Variants in MPZL1 observed in about 807,000 individuals in gnomAD.
MPZL1 encodes myelin protein zero-like protein 1.
In MPZL1, 16 loss-of-function variants were observed where a neutral mutation model predicts 29.3. The observed-to-expected ratio is 0.55, with a 90% CI of 0.37 to 0.83. MPZL1 has a LOEUF of 0.83. Among genes scored for constraint, MPZL1 ranks in the 40% least tolerant of loss-of-function variants. MPZL1 has a pLI of 0.00. For synonymous variants in MPZL1, 143 were observed against 132.0 expected, an observed-to-expected ratio of 1.08 and a Z score of -0.57; for missense variants, 279 against 332.9, an observed-to-expected ratio of 0.84 and a Z score of 1.26.
chr1:167,782,257 A>C (rs776037187), intron 5 of MPZL1, among the ~76,000 whole-genome samples: 3 of 152,060 alleles, frequency 2.0e-5, no homozygotes, highest in Admixed American at 6.5e-5. Context: ...GTTCCTTATA[A>C]CTTCATATTT....
rs376585373 is a variant in MPZL1, at chr1:167,773,383, T to G, written c.605+15T>G. On this transcript the variant is annotated intron_variant, in intron 4 of 5. Coordinates refer to ENST00000359523, the MANE Select transcript of MPZL1 (RefSeq NM_003953.6). Reference sequence around the variant, plus strand: ...GATTACACTGGGTAAGAAACACTGTTTTTTTAGGGCAGGGGTGGAGGGAGG... The same window carrying G: ...GATTACACTGGGTAAGAAACACTGTGTTTTTAGGGCAGGGGTGGAGGGAGG... 9.6e-5 allele frequency: 154 copies of G among 1,608,458 alleles called. No homozygotes were observed. In the African/African-American group the frequency reaches 1.8e-3, roughly 19 times the overall value.
At chr1:167,779,877 G>T (rs1320971302) in intron 5 of MPZL1, among the ~76,000 whole-genome samples, 1 of 152,132 alleles carries the variant, frequency 6.6e-6, no homozygotes, top group African/African-American at 2.4e-5. Flanking sequence ...ACAAAATTCT[G>T]ACATATGCTA....
chr1:167,770,485 G>A (rs1306471299), intron 2 of MPZL1, among the ~76,000 whole-genome samples: 1 of 152,244 alleles, frequency 6.6e-6, no homozygotes, highest in Non-Finnish European at 1.5e-5. Flanking sequence ...GGGGCTAAAG[G>A]CTGAACTTTC....
At chr1:167,779,123 A>G (rs951566028) in intron 5 of MPZL1, among the ~76,000 whole-genome samples, 3 of 150,746 alleles carry the variant, frequency 2.0e-5, no homozygotes, top group Non-Finnish European at 4.5e-5. Context: ...CTCTGTCTCA[A>G]AAAAGAAAAA....
chr1:167,739,302 TATATATACAC>T (rs1191258320), intron 1 of MPZL1, among the ~76,000 whole-genome samples: 1,560 of 118,868 alleles, frequency 0.013, 22 homozygotes, highest in Non-Finnish European at 0.016. Context: ...TATATATATA[TATATATACAC>T]ATATATATAT....
At chr1:167,786,649 T>C (rs1661599835) in intron 5 of MPZL1, among the ~76,000 whole-genome samples, 1 of 152,230 alleles carries the variant, frequency 6.6e-6, no homozygotes, top group Non-Finnish European at 1.5e-5. Context: ...GGCCTGTCCC[T>C]TCTGTAGATG....
intron 1 of MPZL1, among the ~76,000 whole-genome samples, chr1:167,749,401 T>C (rs16859525): frequency 0.039 from 5,990 of 152,220 alleles, 173 homozygotes; most frequent in Middle Eastern, 0.11. Flanking sequence ...CAGTAAGATA[T>C]AAAATATCCA....
At chr1:167,734,053 A>G (rs1316010742) in intron 1 of MPZL1, among the ~76,000 whole-genome samples, 5 of 152,104 alleles carry the variant, frequency 3.3e-5, no homozygotes, top group South Asian at 2.1e-4. Context: ...TCAGGAGATC[A>G]AGACCATCCT....
rs931856423 is a variant in MPZL1 at position 167,791,687 on chromosome 1, C to T, written c.*3766C>T. The T allele has an allele frequency of 1.3e-5, 2 of 152,210 alleles. No homozygotes were observed. The highest frequency in any genetic ancestry group is 2.4e-5 in the African/African-American group (1 of 41,440). The allele number at this position is 152,210 out of a possible 1,614,324, so 9.4% of individuals were successfully genotyped here. A position where few individuals can be genotyped will look rare whatever the true frequency, so the allele number is the denominator to read the frequency against. ...TGGCCTCTCACACCAAAAGGAAGTA[C>T]CAAACTGCTTCCTTACTCAAATAAA... On this transcript the variant is annotated 3_prime_UTR_variant, in exon 6 of 6. Coordinates refer to ENST00000359523, the MANE Select transcript of MPZL1 (RefSeq NM_003953.6).
At chr1:167,736,974 C>G (rs1660390134) in intron 1 of MPZL1, among the ~76,000 whole-genome samples, 1 of 152,142 alleles carries the variant, frequency 6.6e-6, no homozygotes, top group Non-Finnish European at 1.5e-5. Flanking sequence ...TTTTATGTCT[C>G]CTTGAATTCG....
At chr1:167,760,644 A>T (rs187759174) in intron 1 of MPZL1, among the ~76,000 whole-genome samples, 5 of 152,234 alleles carry the variant, frequency 3.3e-5, no homozygotes, top group Non-Finnish European at 7.4e-5. Context: ...ACTGATTTGG[A>T]GAAGACCATG....
At chr1:167,770,510 G>A (rs1249363334) in intron 2 of MPZL1, among the ~76,000 whole-genome samples, 1 of 152,252 alleles carries the variant, frequency 6.6e-6, no homozygotes, top group Non-Finnish European at 1.5e-5. Flanking sequence ...GCCGGCAAGA[G>A]TATCTTGTGT....
chr1:167,769,119 T>C (rs1276407147), intron 2 of MPZL1, among the ~76,000 whole-genome samples: 1 of 152,230 alleles, frequency 6.6e-6, no homozygotes, highest in Non-Finnish European at 1.5e-5. Flanking sequence ...TCACATTCCC[T>C]ATTTATGAAA....
intron 1 of MPZL1, among the ~76,000 whole-genome samples, chr1:167,753,998 G>GTTTA (rs756674816): frequency 5.9e-5 from 9 of 151,412 alleles, no homozygotes; most frequent in African/African-American, 2.2e-4. Context: ...AGCAGCTGGA[G>GTTTA]TTTATTTATT....
intron 1 of MPZL1, among the ~76,000 whole-genome samples, chr1:167,762,492 G>A (rs1159907172): frequency 7.2e-5 from 11 of 152,204 alleles, no homozygotes; most frequent in Non-Finnish European, 1.3e-4. Context: ...ACGGGAGTGA[G>A]GTACAGAAAC....
chr1:167,736,498 C>T (rs35359174), intron 1 of MPZL1, among the ~76,000 whole-genome samples: 15,932 of 152,078 alleles, frequency 0.1, 1,503 homozygotes, highest in African/African-American at 0.25. Context: ...CCTCCTCAAA[C>T]TGTGCTTCCT....
At chr1:167,773,096 A>G (rs1661285895) in intron 3 of MPZL1, 140 bp from the exon 4 acceptor site, 2 of 793,948 alleles carry the variant, frequency 2.5e-6, no homozygotes, top group South Asian at 3.5e-5. Flanking sequence ...AATAGGATAG[A>G]TAGTAGGATC....
chr1:167,771,526 C>T (rs2101788603), intron 2 of MPZL1, among the ~76,000 whole-genome samples: 1 of 152,288 alleles, frequency 6.6e-6, no homozygotes, highest in African/African-American at 2.4e-5. Context: ...CTGTTGGGTA[C>T]ACGTGCAGAA....
At chr1:167,760,747 CTGTGTGTGTGTG>C (rs58963124) in intron 1 of MPZL1, among the ~76,000 whole-genome samples, 101 of 120,190 alleles carry the variant, frequency 8.4e-4, no homozygotes, top group African/African-American at 2.7e-3. Context: ...GTTGAATAGG[CTGTGTGTGTGTG>C]TGTGTGTGTG....
Sources: gnomAD v4.1 joint callset for allele counts (sites outside exome capture counted in the v4.1 genomes callset) on GRCh38, gnomAD v4.1.1 for gene constraint, MANE v1.5 for transcripts, NCBI Gene and HGNC (gene_info 2026-07-23, HGNC 2026-07-21) for gene names.